The following TRPM7 variants were observed in gnomAD, a reference collection of about 807,000 sequenced individuals.
The protein encoded by TRPM7 is transient receptor potential cation channel subfamily M member 7.
A neutral mutation model predicts 229.7 loss-of-function variants in TRPM7; 134 were observed. The ratio of observed to expected loss-of-function variants is 0.58; its 90% CI spans 0.51 to 0.67. TRPM7 has a LOEUF of 0.67. Ranked by LOEUF, TRPM7 falls within the 30% of genes least tolerant of loss-of-function variation. TRPM7 has a pLI of 0.00. For synonymous variants in TRPM7, 699 were observed against 715.2 expected (o/e 0.98, Z 0.36); for missense variants, 1,901 against 2,210.0 (o/e 0.86, Z 2.80).
At chr15:50,598,412 A>T (rs1207932250) in intron 22 of TRPM7, among the ~76,000 whole-genome samples, 1 of 152,228 alleles carries the variant, frequency 6.6e-6, no homozygotes, top group Non-Finnish European at 1.5e-5. Flanking sequence ...GTCATTGATT[A>T]TCCAGAGAAT....
chr15:50,590,422 T>A (rs370945807), intron 26 of TRPM7, among the ~76,000 whole-genome samples: 2 of 152,146 alleles, frequency 1.3e-5, no homozygotes, highest in African/African-American at 4.8e-5. Flanking sequence ...GTTCCACACA[T>A]AGAGATTGTT....
In TRPM7 at chr15:50,648,898, G is replaced by A. The variant is rs2140835215; in HGVS notation, c.123-13C>T. Reference sequence around the variant, plus strand: ...ACCACAAAAACACCTAAAAGAAAAAGGTGAGATTAAAACACCCTTCAAAAA... The same window carrying A: ...ACCACAAAAACACCTAAAAGAAAAAAGTGAGATTAAAACACCCTTCAAAAA... On this transcript the variant is annotated splice_polypyrimidine_tract_variant and intron_variant, in intron 3 of 38. Transcript: ENST00000646667. The A allele has an allele frequency of 1.9e-6, 3 of 1,583,596 alleles. No individual in the cohort carries two copies. The highest frequency in any genetic ancestry group is 2.6e-6 in the Non-Finnish European group (3 of 1,163,672).
intron 23 of TRPM7, among the ~76,000 whole-genome samples, 153 bp from the exon 24 acceptor site, chr15:50,594,766 G>A (rs1437477874): frequency 6.6e-6 from 1 of 152,060 alleles, no homozygotes; most frequent in East Asian, 1.9e-4. Flanking sequence ...AACTAGAAAA[G>A]ATACAGGCAG....
chr15:50,680,651 G>A (rs1365163637), intron 1 of TRPM7, among the ~76,000 whole-genome samples: 2 of 151,576 alleles, frequency 1.3e-5, no homozygotes. Context: ...GATAGTAAAG[G>A]AAATTCTATT....
At chr15:50,670,817 A>G (rs917272283) in intron 1 of TRPM7, among the ~76,000 whole-genome samples, 1 of 151,820 alleles carries the variant, frequency 6.6e-6, no homozygotes, top group South Asian at 2.1e-4. Flanking sequence ...AAAGAAAAAA[A>G]AAAAAAAAGC....
intron 7 of TRPM7, 106 bp downstream of exon 7, chr15:50,637,316 G>T: frequency 1.0e-6 from 1 of 999,038 alleles, no homozygotes; most frequent in Non-Finnish European, 1.5e-6. Flanking sequence ...ATGTTATCTT[G>T]CTATGTAAGA....
At chr15:50,681,868 A>G (rs912442577) in intron 1 of TRPM7, among the ~76,000 whole-genome samples, 1 of 152,178 alleles carries the variant, frequency 6.6e-6, no homozygotes, top group African/African-American at 2.4e-5. Context: ...TTTGCCTTTT[A>G]CAGATTGAGA....
At chr15:50,575,678 A>T (rs2054096410) in intron 33 of TRPM7, 46 bp downstream of exon 33, 2 of 1,511,580 alleles carry the variant, frequency 1.3e-6, no homozygotes, top group Non-Finnish European at 1.8e-6. Context: ...AAAAATCATT[A>T]AAGGGTTAAT....
chr15:50,582,983 T>A, intron 29 of TRPM7, 106 bp downstream of exon 29: 1 of 787,940 alleles, frequency 1.3e-6, no homozygotes, highest in East Asian at 3.4e-5. Flanking sequence ...AAGAAAAATT[T>A]TTTTGAATTT....
intron 5 of TRPM7, 34 bp from the exon 6 acceptor site, chr15:50,639,582 T>C: frequency 1.1e-5 from 17 of 1,593,214 alleles, no homozygotes; most frequent in East Asian, 2.3e-5. Flanking sequence ...ATTTTGTTTT[T>C]TTTATTTTCT....
intron 16 of TRPM7, among the ~76,000 whole-genome samples, chr15:50,612,322 CTGAGA>C (rs1237702874): frequency 3.3e-5 from 5 of 152,098 alleles, no homozygotes; most frequent in African/African-American, 7.2e-5. Flanking sequence ...TTCTTTCTTG[CTGAGA>C]TATTTAATTC....
At position 50,559,776 on chromosome 15, in the gene TRPM7, C is replaced by G. The variant is rs1012901189; in HGVS notation, c.*1902G>C. ...ACAGTAGGCACTAAATAAGTGTTAGCAGCCAGGTGCGGTGGCTCACAAGGT... is the reference window on the plus strand; with the variant it reads ...ACAGTAGGCACTAAATAAGTGTTAGGAGCCAGGTGCGGTGGCTCACAAGGT... On this transcript the variant is annotated 3_prime_UTR_variant, in exon 39 of 39. Coordinates refer to ENST00000646667, the MANE Select transcript of TRPM7 (RefSeq NM_017672.6). The G allele has an allele frequency of 2.6e-5, 4 of 151,774 alleles. No individual in the cohort carries two copies. The East Asian group carries it at 7.7e-4, about 29-fold the overall frequency. The allele number at this position is 151,774 out of a possible 1,614,324, so 9.4% of individuals were successfully genotyped here.
chr15:50,686,570 C>T lies in TRPM7; in HGVS notation c.-37G>A. ...GGCGGACTCCGGAAGGGCAGCAACT[C>T]CACCTCCTCCTCCTCCGCGGCCTGT... On this transcript the variant is annotated 5_prime_UTR_variant, in exon 1 of 39. Coordinates refer to ENST00000646667, the MANE Select transcript of TRPM7 (RefSeq NM_017672.6). The T allele has an allele frequency of 6.2e-7, 1 of 1,608,750 alleles. No individual in the cohort carries two copies. Among genetic ancestry groups the T allele is most frequent in the Non-Finnish European group, 8.5e-7 (1 of 1,177,036 alleles).
chr15:50,585,828 C>A (rs1246261189), intron 28 of TRPM7, among the ~76,000 whole-genome samples: 1 of 152,038 alleles, frequency 6.6e-6, no homozygotes, highest in Non-Finnish European at 1.5e-5. Context: ...ATGGAAACAT[C>A]ACCACAATAT....
rs994858647 is a variant in TRPM7, at chr15:50,632,924, T to C, written c.1076A>G (p.Asn359Ser). 3 of 1,604,440 alleles carry C rather than the reference T, an allele frequency of 1.9e-6. No homozygotes were observed. The highest frequency in any genetic ancestry group is 2.5e-6 in the Non-Finnish European group (3 of 1,176,632). The change falls in exon 9 of 39, where the codon AAT (asparagine) becomes AGT (serine). Residue 359 changes from asparagine to serine, a missense_variant. This residue lies in a region of TRPM7 where 794 missense variants were observed against 881.9 expected (regional missense o/e 0.90). Transcript: ENST00000646667. ...TGTTTGAAATAAATGAAGTGCTTCA[T>C]TCTGGCCAAAGTTAAATGTTTTTTT... ...TIKKTFNFGQ[N>S]EALHLFQTLM...
At chr15:50,601,050 A>G (rs531612532) in intron 21 of TRPM7, among the ~76,000 whole-genome samples, 20 of 152,368 alleles carry the variant, frequency 1.3e-4, no homozygotes, top group Admixed American at 4.6e-4. Flanking sequence ...AAGTATATTA[A>G]AAGATTTTAA....
intron 1 of TRPM7, 82 bp from the exon 2 acceptor site, chr15:50,663,128 C>A: frequency 9.2e-7 from 1 of 1,087,322 alleles, no homozygotes. Flanking sequence ...AACACATAAA[C>A]AGTTCTTTTT....
intron 1 of TRPM7, among the ~76,000 whole-genome samples, chr15:50,682,252 C>G (rs2062258650): frequency 6.9e-6 from 1 of 145,186 alleles, no homozygotes; most frequent in Non-Finnish European, 1.5e-5. Context: ...CTTCAAAAAA[C>G]TGCTTACCTC....
chr15:50,619,710 AT>A (rs2060334607), intron 13 of TRPM7, 34 bp downstream of exon 13: 1 of 1,503,090 alleles, frequency 6.7e-7, no homozygotes, highest in Non-Finnish European at 9.0e-7. Flanking sequence ...ATTTTTTAAA[AT>A]AACATTTTTC....
Sources: allele counts gnomAD v4.1 joint callset (sites outside exome capture counted in the v4.1 genomes callset), GRCh38; gene constraint gnomAD v4.1.1; regional missense constraint gnomAD v4.1.1; transcripts MANE v1.5; gene names NCBI Gene and HGNC (gene_info 2026-07-23, HGNC 2026-07-21).